Variants in KIF26B observed in about 807,000 individuals in gnomAD.
KIF26B encodes kinesin-like protein KIF26B.
In KIF26B, 63 loss-of-function variants were observed where a neutral mutation model predicts 151.2. That is an observed-to-expected ratio of 0.42 (90% CI 0.34 to 0.51). The LOEUF (loss-of-function observed/expected upper bound fraction) is 0.51, where lower values mean the gene tolerates loss of function less well. Ranked by LOEUF, KIF26B falls within the 20% of genes least tolerant of loss-of-function variation. The pLI is 0.07. For missense variants in KIF26B, 2,813 were observed against 2,913.6 expected, an observed-to-expected ratio of 0.97 and a Z score of 0.79; for synonymous variants, 1,357 against 1,262.1, an observed-to-expected ratio of 1.08 and a Z score of -1.59.
rs1172397969 is a variant in KIF26B, at chr1:245,374,059, CAAAAAAAAAAAAAAAAAAAA to C, written c.999+6709_999+6728del. Among the ~76,000 whole-genome samples, 13 of 17,494 alleles carry C rather than the reference CAAAAAAAAAAAAAAAAAAAA, an allele frequency of 7.4e-4. 2 individuals are homozygous for C. Among genetic ancestry groups the C allele is most frequent in the East Asian group, 5.0e-3 (2 of 402 alleles). The allele number at this position is 17,494 out of a possible 152,430, so 11.5% of individuals were successfully genotyped here. A position where few individuals can be genotyped will look rare whatever the true frequency, so the allele number is the denominator to read the frequency against. ...GTGACAGAGACCCGAGAACCTATCT[CAAAAAAAAAAAAAAAAAAAA>C]AAAAAAAAAAAAAAAATATATATAT... On this transcript the variant is annotated intron_variant, in intron 3 of 14. Coordinates refer to ENST00000407071, the MANE Select transcript of KIF26B (RefSeq NM_018012.4).
rs1660963202 is a variant in KIF26B, at chr1:245,516,340, G to A, written c.1167-24427G>A. On this transcript the variant is annotated intron_variant, in intron 4 of 14. Coordinates refer to ENST00000407071, the MANE Select transcript of KIF26B (RefSeq NM_018012.4). The surrounding 1 kb of genome is among the most constrained non-coding windows in gnomAD (Gnocchi z 4.2). The stretch of plus-strand genomic sequence containing the variant: ...ACAAAACGTGTAACAGGAATTGTCC[G>A]TTCCCATGGCCAGTCCTCATGTAGA... 6.6e-6 allele frequency among the ~76,000 whole-genome samples: 1 copy of A among 152,094 alleles called. No homozygotes were observed. Among genetic ancestry groups the A allele is most frequent in the Admixed American group, 6.6e-5 (1 of 15,250 alleles).
At chr1:245,320,600 G>A (rs1671868604) in intron 2 of KIF26B, among the ~76,000 whole-genome samples, 1 of 152,206 alleles carries the variant, frequency 6.6e-6, no homozygotes, top group South Asian at 2.1e-4. Flanking sequence ...AGTGAGATGT[G>A]TTGTCCTTCA....
intron 2 of KIF26B, among the ~76,000 whole-genome samples, chr1:245,270,780 A>T (rs1403710684): frequency 6.6e-6 from 1 of 152,174 alleles, no homozygotes; most frequent in African/African-American, 2.4e-5. Flanking sequence ...CGTTTGATAT[A>T]ATCTCACTTG....
chr1:245,298,833 G>A (rs1268245411), intron 2 of KIF26B, among the ~76,000 whole-genome samples: 2 of 152,298 alleles, frequency 1.3e-5, no homozygotes, highest in East Asian at 1.9e-4. Flanking sequence ...AACAGCCTCC[G>A]CTGCCCATGA....
intron 9 of KIF26B, among the ~76,000 whole-genome samples, chr1:245,622,093 A>C (rs2043670152): frequency 7.3e-6 from 1 of 137,308 alleles, no homozygotes; most frequent in Admixed American, 7.7e-5. Flanking sequence ...TGTCTATATA[A>C]TTAGGCTGCA....
chr1:245,421,382 T>C (rs1472012345), intron 4 of KIF26B, among the ~76,000 whole-genome samples: 2 of 152,174 alleles, frequency 1.3e-5, no homozygotes, highest in Non-Finnish European at 2.9e-5. Flanking sequence ...TGGTTCGTTC[T>C]GTAGAGCAAC....
At chr1:245,316,226 A>G (rs1671772435) in intron 2 of KIF26B, among the ~76,000 whole-genome samples, 1 of 151,510 alleles carries the variant, frequency 6.6e-6, no homozygotes, top group African/African-American at 2.4e-5. Flanking sequence ...GGTTCAAGCG[A>G]TTCTCCTGCC....
At chr1:245,371,928 T>A (rs557541565) in intron 3 of KIF26B, among the ~76,000 whole-genome samples, 27 of 152,304 alleles carry the variant, frequency 1.8e-4, no homozygotes, top group Non-Finnish European at 3.5e-4. Context: ...TAATAGGAGA[T>A]TATAAGACGG....
rs1303387636 is a variant in KIF26B at position 245,324,176 on chromosome 1, G to A, written c.466-42658G>A. Among the ~76,000 whole-genome samples, 5 of 150,926 alleles carry A rather than the reference G, an allele frequency of 3.3e-5. 1 individual carries two copies. The highest frequency in any genetic ancestry group is 1.2e-4 in the African/African-American group (5 of 41,144). On this transcript the variant is annotated intron_variant, in intron 2 of 14. Transcript: ENST00000407071. ...GGGGTGGACCCTGATGTGGGTGATTGGAGGTGGAGGTGGGGTGGGCTCTGC... is the reference window on the plus strand; with the variant it reads ...GGGGTGGACCCTGATGTGGGTGATTAGAGGTGGAGGTGGGGTGGGCTCTGC...
At chr1:245,272,014 A>T (rs1354572338) in intron 2 of KIF26B, among the ~76,000 whole-genome samples, 1 of 152,112 alleles carries the variant, frequency 6.6e-6, no homozygotes, top group East Asian at 1.9e-4. Flanking sequence ...TTGGTTACTG[A>T]TTCAATCCCA....
intron 3 of KIF26B, among the ~76,000 whole-genome samples, chr1:245,413,121 G>A (rs1674327201): frequency 1.3e-5 from 2 of 152,204 alleles, no homozygotes; most frequent in African/African-American, 4.8e-5. Context: ...TGAAAATTTA[G>A]TTCCCCTTAA....
chr1:245,319,181 C>G (rs4658750), intron 2 of KIF26B, among the ~76,000 whole-genome samples: 1 of 152,116 alleles, frequency 6.6e-6, no homozygotes, highest in African/African-American at 2.4e-5. Context: ...ATATGTGTAG[C>G]ATGTGTCCAG....
intron 10 of KIF26B, among the ~76,000 whole-genome samples, chr1:245,678,033 C>T (rs1053562655): frequency 2.6e-5 from 4 of 152,204 alleles, no homozygotes; most frequent in Non-Finnish European, 4.4e-5. Flanking sequence ...TGGTCCCTGG[C>T]ATCTCAGGCT....
intron 5 of KIF26B, among the ~76,000 whole-genome samples, chr1:245,584,080 G>A (rs532701812): frequency 5.3e-5 from 8 of 152,284 alleles, no homozygotes; most frequent in South Asian, 2.1e-4. Context: ...GGGGCCTGGC[G>A]GGAGGTGACT....
chr1:245,200,439 A>G (rs1573704169), intron 2 of KIF26B, among the ~76,000 whole-genome samples: 1 of 152,248 alleles, frequency 6.6e-6, no homozygotes, highest in South Asian at 2.1e-4. Context: ...AATATCATTA[A>G]TGCAAGGGTT....
intron 3 of KIF26B, among the ~76,000 whole-genome samples, chr1:245,374,135 A>G (rs1673215321): frequency 9.2e-6 from 1 of 108,336 alleles, no homozygotes; most frequent in South Asian, 3.5e-4. Flanking sequence ...ATATATATAT[A>G]TATGGGCACA....
In KIF26B at chr1:245,479,481, G is replaced by T. The variant is rs1023002914; in HGVS notation, c.1166+59736G>T. On this transcript the variant is annotated intron_variant, in intron 4 of 14. Coordinates refer to ENST00000407071, the MANE Select transcript of KIF26B (RefSeq NM_018012.4). Reference sequence around the variant, plus strand: ...CTGATTATGCTTTCAGAGTTTTTTTGTTGTTGTTGTTATATTTTTGTTCTC... The same window carrying T: ...CTGATTATGCTTTCAGAGTTTTTTTTTTGTTGTTGTTATATTTTTGTTCTC... 1.1e-4 allele frequency among the ~76,000 whole-genome samples: 17 copies of T among 151,754 alleles called. No individual in the cohort carries two copies. In the East Asian group the frequency reaches 1.4e-3, roughly 12 times the overall value.
chr1:245,598,729 GCTGAA>G (rs375301834), intron 5 of KIF26B, among the ~76,000 whole-genome samples: 3 of 152,290 alleles, frequency 2.0e-5, no homozygotes, highest in African/African-American at 7.2e-5. Context: ...AGAACAAGGT[GCTGAA>G]CTGATTAATG....
chr1:245,169,836 G>A (rs1668681132), intron 2 of KIF26B, among the ~76,000 whole-genome samples: 1 of 152,140 alleles, frequency 6.6e-6, no homozygotes, highest in Admixed American at 6.6e-5. Flanking sequence ...ACAAAATGAT[G>A]CAGAGGTTTA....
Sources: gnomAD v4.1 joint callset for allele counts (sites outside exome capture counted in the v4.1 genomes callset) on GRCh38, gnomAD v4.1.1 for gene constraint, Gnocchi (gnomAD v3.1) non-coding constraint, MANE v1.5 for transcripts, NCBI Gene and HGNC (gene_info 2026-07-23, HGNC 2026-07-21) for gene names.